The following KCNH7 variants were observed in gnomAD, a reference collection of about 807,000 sequenced individuals.
KCNH7 encodes the protein potassium voltage-gated channel subfamily H member 7, also known as voltage-gated inwardly rectifying potassium channel KCNH7.
A neutral mutation model predicts 120.8 loss-of-function variants in KCNH7; 49 were observed. The ratio of observed to expected loss-of-function variants is 0.41; its 90% CI spans 0.32 to 0.51. The LOEUF (loss-of-function observed/expected upper bound fraction) is 0.51. KCNH7 is among the 20% of genes least tolerant of loss of function. The pLI is 0.38. For synonymous variants in KCNH7, 547 were observed against 516.1 expected (o/e 1.06, Z -0.81); for missense variants, 1,097 against 1,446.6 (o/e 0.76, Z 3.92).
chr2:162,692,175 G>A (rs1266424345), intron 2 of KCNH7, among the ~76,000 whole-genome samples: 3 of 151,326 alleles, frequency 2.0e-5, no homozygotes, highest in Non-Finnish European at 2.9e-5. Context: ...AGTCTGGAGT[G>A]CAGTGAGTAG....
chr2:162,490,251 G>A (rs1215435150), intron 6 of KCNH7, among the ~76,000 whole-genome samples: 2 of 152,214 alleles, frequency 1.3e-5, no homozygotes, highest in South Asian at 4.1e-4. Flanking sequence ...GGATTAGGTG[G>A]AGCCACCGGG....
At chr2:162,533,416 A>G (rs1691998723) in intron 3 of KCNH7, among the ~76,000 whole-genome samples, 1 of 151,798 alleles carries the variant, frequency 6.6e-6, no homozygotes, top group Non-Finnish European at 1.5e-5. Flanking sequence ...CATTGCATAA[A>G]AACAGCACAC....
At chr2:162,724,596 C>CG in intron 2 of KCNH7, among the ~76,000 whole-genome samples, 1 of 147,894 alleles carries the variant, frequency 6.8e-6, no homozygotes, top group Non-Finnish European at 1.5e-5. Flanking sequence ...GGCGTGAACC[C>CG]GGGAGGCGGA....
intron 2 of KCNH7, among the ~76,000 whole-genome samples, chr2:162,699,516 T>C (rs1686413201): frequency 6.6e-6 from 1 of 152,174 alleles, no homozygotes; most frequent in African/African-American, 2.4e-5. Flanking sequence ...TAGTAATGTG[T>C]TCTTTTTTGT....
At chr2:162,530,556 G>A (rs6742370) in intron 3 of KCNH7, among the ~76,000 whole-genome samples, 5,618 of 151,880 alleles carry the variant, frequency 0.037, 412 homozygotes, top group Admixed American at 0.18. Context: ...TTTAAAATTC[G>A]CCTTTGTGAA....
chr2:162,748,750 A>G (rs573403674), intron 2 of KCNH7, among the ~76,000 whole-genome samples: 23 of 152,234 alleles, frequency 1.5e-4, no homozygotes, highest in African/African-American at 5.3e-4. Context: ...GACCACGAAC[A>G]AAGGAGATAT....
At chr2:162,565,791 C>G (rs1693231392) in intron 2 of KCNH7, among the ~76,000 whole-genome samples, 1 of 151,906 alleles carries the variant, frequency 6.6e-6, no homozygotes, top group African/African-American at 2.4e-5. Context: ...ATTTTGAGAG[C>G]AAGTTAGTGG....
In KCNH7 at chr2:162,836,783, A is replaced by G. The variant is rs975273814; in HGVS notation, c.77-16T>C. The stretch of plus-strand genomic sequence containing the variant: ...AATTTTTTATCTGTAATAAGAAGAC[A>G]GTATGGCATCTTTGAAAAAGCTTCC... On this transcript the variant is annotated splice_polypyrimidine_tract_variant and intron_variant, in intron 1 of 15. Coordinates refer to ENST00000332142, the MANE Select transcript of KCNH7 (RefSeq NM_033272.4). 12 of 1,565,376 alleles carry G rather than the reference A, an allele frequency of 7.7e-6. No homozygotes were observed. The highest frequency in any genetic ancestry group is 1.4e-5 in the African/African-American group (1 of 73,770).
rs1460471907 is a variant in KCNH7 at position 162,838,544 on chromosome 2, C to T, written c.-26G>A. ...GTTGGCCCCGGTCTTCCGAGGAGCG[C>T]TCCCCCGGAGCTCTGGAGTTCTCCC... On this transcript the variant is annotated 5_prime_UTR_variant, in exon 1 of 16. Coordinates refer to ENST00000332142, the MANE Select transcript of KCNH7 (RefSeq NM_033272.4). 1.3e-6 allele frequency: 2 copies of T among 1,592,766 alleles called. No homozygotes were observed. Among genetic ancestry groups the T allele is most frequent in the Admixed American group, 3.3e-5 (2 of 59,936 alleles).
intron 2 of KCNH7, among the ~76,000 whole-genome samples, chr2:162,792,721 T>C (rs1167978194): frequency 6.7e-6 from 1 of 150,374 alleles, no homozygotes; most frequent in African/African-American, 2.4e-5. Context: ...TTTTTTTTTT[T>C]CAAAAAAAAC....
chr2:162,505,568 T>C (rs1312472931), intron 5 of KCNH7, among the ~76,000 whole-genome samples: 1 of 151,890 alleles, frequency 6.6e-6, no homozygotes. Flanking sequence ...GTATCTTCCT[T>C]TGGGATGAAT....
chr2:162,822,453 A>G (rs538530989), intron 2 of KCNH7, among the ~76,000 whole-genome samples: 1 of 152,286 alleles, frequency 6.6e-6, no homozygotes, highest in East Asian at 1.9e-4. Flanking sequence ...CAGGGCAGAA[A>G]GGTAACATAT....
chr2:162,487,428 C>T (rs1690136728), intron 6 of KCNH7, among the ~76,000 whole-genome samples: 1 of 152,028 alleles, frequency 6.6e-6, no homozygotes, highest in Non-Finnish European at 1.5e-5. Flanking sequence ...TTTTTAAAAA[C>T]TTCAAGATTC....
chr2:162,616,457 CACTA>C (rs1683143653), intron 2 of KCNH7, among the ~76,000 whole-genome samples: 1 of 152,156 alleles, frequency 6.6e-6, no homozygotes, highest in African/African-American at 2.4e-5. Context: ...CCTTGTGTGT[CACTA>C]ACTAGTTGTT....
intron 13 of KCNH7, among the ~76,000 whole-genome samples, chr2:162,383,428 G>A (rs1190931217): frequency 6.6e-6 from 1 of 151,870 alleles, no homozygotes; most frequent in Non-Finnish European, 1.5e-5. Context: ...AGATTGTCCA[G>A]AGAACACTTG....
chr2:162,413,669 TA>T, intron 9 of KCNH7, among the ~76,000 whole-genome samples: 2 of 152,164 alleles, frequency 1.3e-5, no homozygotes, highest in Middle Eastern at 6.8e-3. Context: ...CCAAATCGTA[TA>T]AAAAAATTTA....
At chr2:162,632,754 G>A (rs571847494) in intron 2 of KCNH7, among the ~76,000 whole-genome samples, 1 of 151,684 alleles carries the variant, frequency 6.6e-6, no homozygotes, top group Non-Finnish European at 1.5e-5. Context: ...ACTATTAAAT[G>A]GTCTTGTGAC....
intron 4 of KCNH7, among the ~76,000 whole-genome samples, 155 bp from the exon 5 acceptor site, chr2:162,512,829 A>C (rs1356673296): frequency 6.6e-6 from 1 of 151,868 alleles, no homozygotes; most frequent in East Asian, 1.9e-4. Context: ...GTACTATTCC[A>C]CCAAGTAACA....
At chr2:162,474,578 G>A (rs768245047) in intron 6 of KCNH7, among the ~76,000 whole-genome samples, 3 of 152,142 alleles carry the variant, frequency 2.0e-5, no homozygotes, top group Non-Finnish European at 4.4e-5. Flanking sequence ...GCTTCATATG[G>A]ATACAATATA....
Sources: allele counts gnomAD v4.1 joint callset (sites outside exome capture counted in the v4.1 genomes callset), GRCh38; gene constraint gnomAD v4.1.1; transcripts MANE v1.5; gene names NCBI Gene and HGNC (gene_info 2026-07-23, HGNC 2026-07-21).